The following RIF1 variants were observed in gnomAD, a reference collection of about 807,000 sequenced individuals.
RIF1 encodes the protein replication timing regulatory factor 1.
RIF1 carries 45 observed loss-of-function variants against 247.1 expected under a neutral mutation model. The observed-to-expected ratio is 0.18, with a 90% confidence interval of 0.14 to 0.23. The LOEUF (loss-of-function observed/expected upper bound fraction) is 0.23. Among genes scored for constraint, RIF1 ranks in the 10% least tolerant of loss-of-function variants. RIF1 has a pLI of 1.00. For synonymous variants in RIF1, 1,087 were observed against 978.8 expected, an observed-to-expected ratio of 1.11 and a Z score of -2.06; for missense variants, 2,967 against 2,862.5, an observed-to-expected ratio of 1.04 and a Z score of -0.83.
At chr2:151,519,913 T>A in the RIF1 span, 1 of 561,452 alleles carries the variant, frequency 1.8e-6, no homozygotes, top group South Asian at 2.7e-5. Context: ...ACATTTAGAG[T>A]AAAGAAGACA....
intron 20 of RIF1, among the ~76,000 whole-genome samples, chr2:151,447,058 C>T (rs1427744638): frequency 1.3e-5 from 2 of 151,682 alleles, no homozygotes; most frequent in African/African-American, 2.4e-5. Context: ...ATTCTCCTGC[C>T]TCAGCCTCCC....
chr2:151,430,328 TC>T (rs1288279461), intron 9 of RIF1, among the ~76,000 whole-genome samples: 1 of 151,534 alleles, frequency 6.6e-6, no homozygotes, highest in Admixed American at 6.6e-5. Flanking sequence ...GCCTTTTTTT[TC>T]TTTTTTGTTT....
intron 9 of RIF1, among the ~76,000 whole-genome samples, chr2:151,430,352 C>T (rs1217008155): frequency 6.6e-6 from 1 of 151,210 alleles, no homozygotes; most frequent in Non-Finnish European, 1.5e-5. Context: ...GATGGAGTCT[C>T]ACTGTGTTGC....
chr2:151,430,317 G>A (rs1261792713), intron 9 of RIF1, among the ~76,000 whole-genome samples: 1 of 149,978 alleles, frequency 6.7e-6, no homozygotes. Flanking sequence ...TACTGCGCCC[G>A]GCCTTTTTTT....
chr2:151,492,428 C>G lies in RIF1; in HGVS notation c.*416-2801C>G, dbSNP rs752529011. The G allele has an allele frequency of 1.1e-5, 17 of 1,612,050 alleles. No individual in the cohort carries two copies. The highest frequency in any genetic ancestry group is 1.4e-5 in the Non-Finnish European group (16 of 1,179,032). ...TGGGTCTCCCTCACCCGTCTCATCT[C>G]GGGGGTATCCAATACATAGGCAGCT... On this transcript the variant is annotated intron_variant and NMD_transcript_variant, in intron 9 of 13. Coordinates refer to the RIF1 transcript ENST00000454583.
At chr2:151,422,217 A>G (rs1158644222) in intron 7 of RIF1, among the ~76,000 whole-genome samples, 1 of 152,140 alleles carries the variant, frequency 6.6e-6, no homozygotes, top group Non-Finnish European at 1.5e-5. Flanking sequence ...AAATTATTTC[A>G]CGTGTCTGTT....
At chr2:151,417,904 A>G (rs1319757630) in intron 6 of RIF1, among the ~76,000 whole-genome samples, 3 of 152,196 alleles carry the variant, frequency 2.0e-5, no homozygotes, top group Admixed American at 6.6e-5. Flanking sequence ...AGACCTGTAC[A>G]GTATATTACT....
rs781667543 is a variant in RIF1 at position 151,497,713 on chromosome 2, T to TAAC, written c.*514-1630_*514-1628dup. On this transcript the variant is annotated intron_variant and NMD_transcript_variant, in intron 10 of 13. Coordinates refer to the RIF1 transcript ENST00000454583. ...TTCCCTTGCCCATGTTTTCTTTGTATAACACCTGTGCGATAAGAAAGCATC... is the reference window on the plus strand; with the variant it reads ...TTCCCTTGCCCATGTTTTCTTTGTATAACAACACCTGTGCGATAAGAAAGCATC... The TAAC allele has an allele frequency of 2.2e-5, 35 of 1,575,764 alleles. No homozygotes were observed. In the Admixed American group the frequency reaches 4.4e-4, roughly 20 times the overall value.
the RIF1 span, chr2:151,530,625 C>A: frequency 5.6e-6 from 1 of 178,000 alleles, no homozygotes; most frequent in South Asian, 1.9e-4. Flanking sequence ...ATGTTTAAGC[C>A]ACGTGGAGAC....
intron 34 of RIF1, 42 bp downstream of exon 34, chr2:151,469,906 A>T: frequency 2.8e-6 from 4 of 1,427,166 alleles, no homozygotes; most frequent in Non-Finnish European, 3.8e-6. Flanking sequence ...TTAATAAATG[A>T]TGTAGCAGTA....
chr2:151,496,597 A>AGAG (rs1309769336), intron 10 of RIF1, among the ~76,000 whole-genome samples: 1 of 152,220 alleles, frequency 6.6e-6, no homozygotes, highest in Non-Finnish European at 1.5e-5. Context: ...AAAGGCTGTC[A>AGAG]GAGTTATCCA....
chr2:151,511,470 A>AAAAC (rs1181190372), downstream of RIF1, among the ~76,000 whole-genome samples: 1 of 152,206 alleles, frequency 6.6e-6, no homozygotes, highest in African/African-American at 2.4e-5. Flanking sequence ...GTGAAAATTA[A>AAAAC]AAACAAACAA....
intron 21 of RIF1, 32 bp downstream of exon 21, chr2:151,451,737 C>T: frequency 1.7e-6 from 2 of 1,149,074 alleles, no homozygotes; most frequent in Non-Finnish European, 1.3e-6. Flanking sequence ...TTTGTTTGTC[C>T]AGTATTTCAT....
At chr2:151,494,821 G>T (rs1480199704) in intron 9 of RIF1, among the ~76,000 whole-genome samples, 1 of 152,024 alleles carries the variant, frequency 6.6e-6, no homozygotes. Context: ...GCTAATTTTT[G>T]TATTTTTTAG....
chr2:151,450,842 C>G (rs1458499999), intron 20 of RIF1, among the ~76,000 whole-genome samples: 1 of 152,188 alleles, frequency 6.6e-6, no homozygotes, highest in African/African-American at 2.4e-5. Context: ...CCTCAGCCTC[C>G]CAAAGTGCTG....
the RIF1 span, chr2:151,513,493 CAATA>C: frequency 5.2e-6 from 5 of 956,694 alleles, no homozygotes; most frequent in South Asian, 4.7e-5. Context: ...TGACTGTCAC[CAATA>C]AATCAGATGA....
intron 23 of RIF1, 108 bp downstream of exon 23, chr2:151,456,728 T>A: frequency 1.7e-6 from 1 of 602,608 alleles, no homozygotes; most frequent in Non-Finnish European, 2.8e-6. Context: ...GGGTTATTCC[T>A]TCTTTCTTTC....
At chr2:151,506,002 G>T in intron 12 of RIF1, 1 of 683,918 alleles carries the variant, frequency 1.5e-6, no homozygotes, top group Admixed American at 2.2e-5. Flanking sequence ...GCACTGCACT[G>T]AATATGAGAT....
At chr2:151,531,845 C>A in the RIF1 span, 1 of 1,613,014 alleles carries the variant, frequency 6.2e-7, no homozygotes, top group Admixed American at 1.7e-5. Context: ...GGAGTATCCA[C>A]AATTGAGGTA....
Sources: gnomAD v4.1 joint callset for allele counts (sites outside exome capture counted in the v4.1 genomes callset) on GRCh38, gnomAD v4.1.1 for gene constraint, MANE v1.5 for transcripts, NCBI Gene and HGNC (gene_info 2026-07-23, HGNC 2026-07-21) for gene names.